The following APMAP variants were observed in gnomAD, a reference collection of about 807,000 sequenced individuals.
The protein encoded by APMAP is adipocyte plasma membrane associated protein.
In APMAP, 33 loss-of-function variants were observed where a neutral mutation model predicts 43.6. The observed-to-expected ratio is 0.76, with a 90% CI of 0.57 to 1.01. The LOEUF is 1.01. Among genes scored for constraint, APMAP ranks in the 50% least tolerant of loss-of-function variants. The pLI is 0.00. For missense variants in APMAP, 498 were observed against 540.7 expected, an observed-to-expected ratio of 0.92 and a Z score of 0.78; for synonymous variants, 224 against 216.7, an observed-to-expected ratio of 1.03 and a Z score of -0.30.
intron 2 of APMAP, among the ~76,000 whole-genome samples, chr20:24,980,604 C>T (rs1201794087): frequency 6.6e-6 from 1 of 151,394 alleles, no homozygotes; most frequent in Non-Finnish European, 1.5e-5. Flanking sequence ...CCTCTACGCG[C>T]CGGGCAGTGC....
Position 24,970,189 on chromosome 20 carries a change from G to A in APMAP, c.713+8C>T. ...TCAACAAATGGGAGACCTGGAGCAAGGCCTCACCGCCCGTCATCTGTGCCC... is the reference window on the plus strand; with the variant it reads ...TCAACAAATGGGAGACCTGGAGCAAAGCCTCACCGCCCGTCATCTGTGCCC... On this transcript the variant is annotated splice_region_variant and intron_variant, in intron 6 of 8. Coordinates refer to ENST00000217456, the MANE Select transcript of APMAP (RefSeq NM_020531.3). The A allele has an allele frequency of 6.2e-6, 10 of 1,614,006 alleles. No individual in the cohort carries two copies. Among genetic ancestry groups the A allele is most frequent in the Non-Finnish European group, 7.6e-6 (9 of 1,179,916 alleles).
At position 24,984,300 on chromosome 20, in the gene APMAP, G is replaced by T. The variant is rs148523329; in HGVS notation, c.96-281C>A. Among the ~76,000 whole-genome samples, 666 of 152,274 alleles carry T rather than the reference G, an allele frequency of 4.4e-3. 7 individuals are homozygous for T. Among genetic ancestry groups the T allele is most frequent in the African/African-American group, 0.015 (616 of 41,532 alleles). On this transcript the variant is annotated intron_variant, in intron 1 of 8. Transcript: ENST00000217456. ...TTGAATCCTCCAGGAGGGTTTTAAA[G>T]AAGGCAAACTCAAAGAACTGATGAA...
chr20:24,970,140 A>C, intron 6 of APMAP, 57 bp downstream of exon 6: 1 of 1,593,296 alleles, frequency 6.3e-7, no homozygotes, highest in Non-Finnish European at 8.6e-7. Flanking sequence ...GGCTCTGCTG[A>C]AGCAACTGGC....
intron 2 of APMAP, among the ~76,000 whole-genome samples, chr20:24,980,598 T>G (rs1003230606): frequency 2.7e-5 from 4 of 148,780 alleles, no homozygotes; most frequent in Non-Finnish European, 5.9e-5. Context: ...CGGTCACCTC[T>G]ACGCGCCGGG....
intron 3 of APMAP, chr20:24,974,375 A>AT (rs748904396): frequency 4.6e-5 from 7 of 152,258 alleles, no homozygotes; most frequent in Non-Finnish European, 1.0e-4. Flanking sequence ...ATGGAATCAT[A>AT]TAAAATACTC....
chr20:24,969,705 C>A, intron 6 of APMAP, 45 bp from the exon 7 acceptor site: 1 of 1,577,840 alleles, frequency 6.3e-7, no homozygotes. Flanking sequence ...GAATCCCTGG[C>A]TCCCACTCTG....
In APMAP at chr20:24,992,579, G is replaced by A. The variant is rs777991154; in HGVS notation, c.95+15C>T. 7.2e-6 allele frequency: 11 copies of A among 1,521,970 alleles called. No individual in the cohort carries two copies. Among genetic ancestry groups the A allele is most frequent in the African/African-American group, 2.8e-5 (2 of 71,240 alleles). The allele number at this position is 1,521,970 out of a possible 1,614,324, so 94.3% of individuals were successfully genotyped here. The stretch of plus-strand genomic sequence containing the variant: ...GCGGCCCGGCTCCAGCGCCCAGTCT[G>A]GGAGTCCGCCCTACCTGCCGTCCTT... On this transcript the variant is annotated intron_variant, in intron 1 of 8. Transcript: ENST00000217456.
chr20:24,991,431 G>A (rs776927045), intron 1 of APMAP, among the ~76,000 whole-genome samples: 1 of 152,178 alleles, frequency 6.6e-6, no homozygotes, highest in Non-Finnish European at 1.5e-5. Flanking sequence ...GGTTGGTCAG[G>A]ATATATGGGA....
intron 5 of APMAP, 151 bp from the exon 6 acceptor site, chr20:24,970,522 A>G (rs1211529688): frequency 1.4e-6 from 1 of 734,884 alleles, no homozygotes; most frequent in Admixed American, 3.2e-5. Flanking sequence ...TAGTAAAAAC[A>G]GTATTAGGTG....
At position 24,974,959 on chromosome 20, in the gene APMAP, T is replaced by C. The variant is rs1197403301; in HGVS notation, c.329-1222A>G. ...ATATCAACAGATACAGAAAAAAACA[T>C]CTAGTAACATCCAACACCCATTCAT... On this transcript the variant is annotated intron_variant, in intron 3 of 8. Transcript: ENST00000217456. Among the ~76,000 whole-genome samples, 4 of 152,068 alleles carry C rather than the reference T, an allele frequency of 2.6e-5. No individual in the cohort carries two copies. In the South Asian group the frequency reaches 8.3e-4, roughly 32 times the overall value.
intron 1 of APMAP, among the ~76,000 whole-genome samples, chr20:24,990,906 G>A (rs1266397296): frequency 6.6e-6 from 1 of 152,180 alleles, no homozygotes; most frequent in Non-Finnish European, 1.5e-5. Flanking sequence ...CAAACACAGG[G>A]AAACAGGAAC....
intron 4 of APMAP, 108 bp from the exon 5 acceptor site, chr20:24,971,684 G>A (rs535269750): frequency 1.3e-5 from 12 of 927,062 alleles, no homozygotes; most frequent in African/African-American, 1.6e-5. Flanking sequence ...ATGCTGTACA[G>A]AACAAGACAA....
chr20:24,977,097 T>C (rs751006385), intron 3 of APMAP, among the ~76,000 whole-genome samples: 2 of 152,202 alleles, frequency 1.3e-5, no homozygotes, highest in Admixed American at 1.3e-4. Flanking sequence ...TAAGATACCA[T>C]AACAGTGGAT....
intron 2 of APMAP, 40 bp from the exon 3 acceptor site, chr20:24,978,922 C>T (rs777419745): frequency 2.0e-6 from 3 of 1,518,572 alleles, no homozygotes; most frequent in African/African-American, 2.7e-5. Context: ...TCTATAAATA[C>T]ACATGTGAAG....
At chr20:24,992,289 C>T (rs1218764405) in intron 1 of APMAP, among the ~76,000 whole-genome samples, 2 of 152,200 alleles carry the variant, frequency 1.3e-5, no homozygotes, top group African/African-American at 2.4e-5. Context: ...CAGGGTGGGG[C>T]AGGAGTGAGG....
intron 3 of APMAP, among the ~76,000 whole-genome samples, chr20:24,978,117 G>C (rs957405846): frequency 6.6e-6 from 1 of 152,220 alleles, no homozygotes; most frequent in African/African-American, 2.4e-5. Context: ...AAGCTGCTCA[G>C]CAAGCCCATA....
intron 1 of APMAP, among the ~76,000 whole-genome samples, chr20:24,992,056 G>A (rs2088196961): frequency 6.6e-6 from 1 of 152,222 alleles, no homozygotes; most frequent in African/African-American, 2.4e-5. Context: ...CACGCAGCGT[G>A]AGGGGGGCAG....
At chr20:24,987,153 C>T (rs1336991408) in intron 1 of APMAP, among the ~76,000 whole-genome samples, 3 of 152,136 alleles carry the variant, frequency 2.0e-5, no homozygotes, top group Non-Finnish European at 4.4e-5. Context: ...GACACGGTCT[C>T]AGTATGTCAA....
At chr20:24,973,321 T>C (rs1340353083) in intron 4 of APMAP, among the ~76,000 whole-genome samples, 1 of 152,190 alleles carries the variant, frequency 6.6e-6, no homozygotes, top group South Asian at 2.1e-4. Context: ...AGCACTGTGA[T>C]AACACCTATT....
Sources: allele counts gnomAD v4.1 joint callset (sites outside exome capture counted in the v4.1 genomes callset), GRCh38; gene constraint gnomAD v4.1.1; transcripts MANE v1.5; gene names NCBI Gene and HGNC (gene_info 2026-07-23, HGNC 2026-07-21).